The following PLCL2 variants were observed in gnomAD, a reference collection of about 807,000 sequenced individuals.
The protein encoded by PLCL2 is phospholipase C like 2, also known as inactive phospholipase C-like protein 2.
A neutral mutation model predicts 79.6 loss-of-function variants in PLCL2; 4 were observed. That is an observed-to-expected ratio of 0.05 (90% CI 0.02 to 0.11). The LOEUF is 0.11. Among genes scored for constraint, PLCL2 ranks in the 10% least tolerant of loss-of-function variants. PLCL2 has a pLI of 1.00. For missense variants in PLCL2, 895 were observed against 1,291.0 expected (o/e 0.69, Z 4.70); for synonymous variants, 484 against 457.7 (o/e 1.06, Z -0.73).
chr3:17,020,526 T>A (rs1217835000), intron 3 of PLCL2, among the ~76,000 whole-genome samples: 1 of 151,820 alleles, frequency 6.6e-6, no homozygotes, highest in African/African-American at 2.4e-5. Context: ...CTCTGTACTT[T>A]CCCTTTGAAA....
At chr3:17,041,972 C>G (rs1386214157) in intron 3 of PLCL2, among the ~76,000 whole-genome samples, 1 of 151,722 alleles carries the variant, frequency 6.6e-6, no homozygotes, top group Non-Finnish European at 1.5e-5. Flanking sequence ...AAAAATGAGG[C>G]AGAAATGAAA....
At chr3:16,934,804 A>C (rs1697499935) in intron 1 of PLCL2, among the ~76,000 whole-genome samples, 1 of 152,192 alleles carries the variant, frequency 6.6e-6, no homozygotes, top group South Asian at 2.1e-4. Context: ...GGAGTTAGCA[A>C]TTTTGAGACG....
At chr3:16,982,854 C>A (rs1389109360) in intron 1 of PLCL2, among the ~76,000 whole-genome samples, 1 of 152,138 alleles carries the variant, frequency 6.6e-6, no homozygotes, top group East Asian at 1.9e-4. Context: ...CTTCTTCCTT[C>A]TTTAATGGCA....
At position 17,017,206 on chromosome 3, in the gene PLCL2, T is replaced by C. The variant is rs374024004; in HGVS notation, c.3018+2295T>C. Among the ~76,000 whole-genome samples the C allele has an allele frequency of 2.6e-5, 4 of 152,320 alleles. No homozygotes were observed. In the South Asian group the frequency reaches 8.3e-4, roughly 32 times the overall value. On this transcript the variant is annotated intron_variant, in intron 3 of 5. Coordinates refer to ENST00000615277, the MANE Select transcript of PLCL2 (RefSeq NM_001144382.2). The stretch of plus-strand genomic sequence containing the variant: ...CTCTTATTTGCGTCTAACTGTATCA[T>C]TATGTTGTTATAGATTTGGCAAGAC...
chr3:16,932,957 G>T (rs1697442915), intron 1 of PLCL2: 2 of 151,842 alleles, frequency 1.3e-5, no homozygotes, highest in South Asian at 4.2e-4. Context: ...TAATATTATG[G>T]GACACAAAAG....
chr3:16,904,972 A>T (rs892513993), intron 1 of PLCL2, among the ~76,000 whole-genome samples: 1 of 152,104 alleles, frequency 6.6e-6, no homozygotes, highest in African/African-American at 2.4e-5. Flanking sequence ...TTTATGAATT[A>T]TCTAGTCTCA....
At chr3:16,935,804 A>C (rs1697525194) in intron 1 of PLCL2, among the ~76,000 whole-genome samples, 1 of 152,212 alleles carries the variant, frequency 6.6e-6, no homozygotes, top group South Asian at 2.1e-4. Context: ...AAAAAATAAA[A>C]AAAGAAAGAA....
At chr3:17,035,691 T>A (rs2064641573) in intron 3 of PLCL2, 1 of 452,698 alleles carries the variant, frequency 2.2e-6, no homozygotes, top group African/African-American at 2.1e-5. Flanking sequence ...GTGATTAAAT[T>A]CAAACTCTGC....
chr3:17,081,276 A>T (rs1305307718), intron 5 of PLCL2: 3 of 456,358 alleles, frequency 6.6e-6, no homozygotes, highest in Non-Finnish European at 1.3e-5. Context: ...CTCACACTGC[A>T]TGTGATTTGG....
intron 1 of PLCL2, among the ~76,000 whole-genome samples, chr3:16,966,312 G>C (rs979944839): frequency 2.6e-5 from 4 of 151,670 alleles, no homozygotes; most frequent in African/African-American, 7.3e-5. Context: ...TTATATGCTG[G>C]ATTATGTTTA....
Position 17,014,671 on chromosome 3 carries a change from A to G in PLCL2, c.2815-37A>G, listed in dbSNP as rs371384752. On this transcript the variant is annotated intron_variant, in intron 2 of 5. Transcript: ENST00000615277. ...ATATCCATGAGAAAGTAAAACCCCCAGTTAATTACAAATGCTCCTTTCATT... is the reference window on the plus strand; with the variant it reads ...ATATCCATGAGAAAGTAAAACCCCCGGTTAATTACAAATGCTCCTTTCATT... 6.4e-5 allele frequency: 95 copies of G among 1,482,542 alleles called. 1 individual carries two copies. In the East Asian group the frequency reaches 9.1e-4, roughly 14 times the overall value. 91.8% of individuals were successfully genotyped at this position (1,482,542 alleles called of 1,614,324 possible).
At chr3:17,086,973 T>G (rs2065226824) in intron 5 of PLCL2, among the ~76,000 whole-genome samples, 1 of 152,202 alleles carries the variant, frequency 6.6e-6, no homozygotes, top group Non-Finnish European at 1.5e-5. Flanking sequence ...TCTATTACAG[T>G]AGCCAAAATA....
chr3:16,965,323 A>T (rs2063795913), intron 1 of PLCL2, among the ~76,000 whole-genome samples: 1 of 152,112 alleles, frequency 6.6e-6, no homozygotes, highest in Non-Finnish European at 1.5e-5. Context: ...CAAAGATCAG[A>T]TGGTTGTAGA....
intron 5 of PLCL2, among the ~76,000 whole-genome samples, chr3:17,084,911 G>C (rs1399441406): frequency 6.6e-6 from 1 of 152,044 alleles, no homozygotes; most frequent in Admixed American, 6.6e-5. Context: ...ACATTGACCT[G>C]GAAGTCCAGT....
At chr3:17,039,312 G>C (rs2064693296) in intron 3 of PLCL2, among the ~76,000 whole-genome samples, 2 of 152,228 alleles carry the variant, frequency 1.3e-5, no homozygotes, top group South Asian at 4.1e-4. Flanking sequence ...TCAGCCTGCT[G>C]AGTAGGGGCC....
chr3:16,957,973 T>G (rs555957458), intron 1 of PLCL2, among the ~76,000 whole-genome samples: 4 of 152,324 alleles, frequency 2.6e-5, no homozygotes, highest in African/African-American at 9.6e-5. Context: ...GGGTCTTGAC[T>G]CTTTATCCAA....
chr3:17,021,685 C>T (rs531579919), intron 3 of PLCL2, among the ~76,000 whole-genome samples: 218 of 152,080 alleles, frequency 1.4e-3, no homozygotes, highest in Non-Finnish European at 2.7e-3. Flanking sequence ...TAGGGGATGG[C>T]AGTCTGCTTG....
chr3:16,917,014 T>C (rs1389961367), intron 1 of PLCL2, among the ~76,000 whole-genome samples: 1 of 152,198 alleles, frequency 6.6e-6, no homozygotes, highest in East Asian at 1.9e-4. Flanking sequence ...GTAGGTTGCC[T>C]GGCAGTAACT....
At chr3:16,975,707 G>T (rs746422310) in intron 1 of PLCL2, among the ~76,000 whole-genome samples, 3 of 152,154 alleles carry the variant, frequency 2.0e-5, no homozygotes, top group African/African-American at 7.2e-5. Context: ...TAGCTGAAAG[G>T]CTGGAAGACT....
Sources: allele counts gnomAD v4.1 joint callset (sites outside exome capture counted in the v4.1 genomes callset), GRCh38; gene constraint gnomAD v4.1.1; transcripts MANE v1.5; gene names NCBI Gene and HGNC (gene_info 2026-07-23, HGNC 2026-07-21).